OTOGL: variants seen among roughly 807,000 people sequenced by gnomAD.
The protein encoded by OTOGL is otogelin like.
A neutral mutation model predicts 318.5 loss-of-function variants in OTOGL; 285 were observed. The ratio of observed to expected loss-of-function variants is 0.89; its 90% CI spans 0.81 to 0.99. The LOEUF is 0.99. Among genes scored for constraint, OTOGL ranks in the 50% least tolerant of loss-of-function variants. The probability of loss-of-function intolerance (pLI) is 0.00; values close to 1 mark genes in which losing one functional copy is unlikely to be tolerated. For synonymous variants in OTOGL, 987 were observed against 936.5 expected, an observed-to-expected ratio of 1.05 and a Z score of -0.99; for missense variants, 2,899 against 2,845.6, an observed-to-expected ratio of 1.02 and a Z score of -0.43.
At chr12:80,146,995 CA>C (rs1264998084) in intron 1 of OTOGL, among the ~76,000 whole-genome samples, 3 of 151,780 alleles carry the variant, frequency 2.0e-5, no homozygotes, top group Non-Finnish European at 4.4e-5. Context: ...TTGATCCTTT[CA>C]AAAAACCAGC....
Position 80,279,164 on chromosome 12 carries a change from A to C in OTOGL, c.2926A>C (p.Lys976Gln), listed in dbSNP as rs368290528. ...YISDCQVFLI[K>Q]SADDSDISVI... Reference sequence around the variant, plus strand: ...CAGTGATTGCCAGGTGTTTTTGATAAAGGTAGGTCACAGTTACACATTTTT... The same window carrying C: ...CAGTGATTGCCAGGTGTTTTTGATACAGGTAGGTCACAGTTACACATTTTT... Residue 976 changes from lysine (K) to glutamine (Q), a missense_variant and splice_region_variant, in exon 26 of 59, where the codon AAG becomes CAG. Lys to Gln is a moderately conservative substitution (Grantham distance 53). This residue lies in a region of OTOGL where 2,607 missense variants were observed against 2,524.9 expected (regional missense o/e 1.03). Transcript: ENST00000547103. 6.3e-7 allele frequency: 1 copy of C among 1,586,852 alleles called. No individual in the cohort carries two copies.
rs929581974 is a variant in OTOGL at position 80,336,545 on chromosome 12, C to T, written c.4733C>T (p.Ser1578Phe). ...EIIVAHIEKCSMNQNGNSLKK... is the reference protein window; with the variant it reads ...EIIVAHIEKCFMNQNGNSLKK... Reference sequence around the variant, plus strand: ...ATAGTTGCTCATATCGAAAAATGTTCCATGAATCAGGTGGGTCATAATTTA... The same window carrying T: ...ATAGTTGCTCATATCGAAAAATGTTTCATGAATCAGGTGGGTCATAATTTA... Residue 1578 changes from serine (S) to phenylalanine (F), a missense_variant, in exon 40 of 59, where the codon TCC (serine) becomes TTC (phenylalanine). Physicochemically the swap from Ser to Phe is radical, Grantham distance 155. Coordinates refer to ENST00000547103, the MANE Select transcript of OTOGL (RefSeq NM_001378609.3). 1.2e-6 allele frequency: 2 copies of T among 1,607,276 alleles called. No individual in the cohort carries two copies. The highest frequency in any genetic ancestry group is 2.2e-5 in the East Asian group (1 of 44,766).
At chr12:80,310,804 G>A (rs761591711) in intron 30 of OTOGL, 77 bp downstream of exon 30, 101 of 1,129,496 alleles carry the variant, frequency 8.9e-5, no homozygotes, top group Non-Finnish European at 1.1e-4. Context: ...AACACGACAC[G>A]TAACTGGGTG....
chr12:80,250,035 C>T (rs945254336), intron 11 of OTOGL, among the ~76,000 whole-genome samples: 133 of 152,056 alleles, frequency 8.7e-4, no homozygotes, highest in Middle Eastern at 6.8e-3. Context: ...GCGCACGGTG[C>T]GCGCACCCAC....
intron 26 of OTOGL, among the ~76,000 whole-genome samples, chr12:80,289,625 C>G (rs1884890632): frequency 6.6e-6 from 1 of 152,192 alleles, no homozygotes; most frequent in South Asian, 2.1e-4. Context: ...GGTAGTCTGG[C>G]CACAGCCACT....
At chr12:80,226,454 A>G (rs2066577463) in intron 7 of OTOGL, among the ~76,000 whole-genome samples, 2 of 151,940 alleles carry the variant, frequency 1.3e-5, no homozygotes, top group Admixed American at 6.6e-5. Context: ...TACCTCTATA[A>G]AACTCTTCAA....
intron 1 of OTOGL, among the ~76,000 whole-genome samples, chr12:80,157,146 G>A (rs1205081126): frequency 6.6e-6 from 1 of 152,126 alleles, no homozygotes; most frequent in Non-Finnish European, 1.5e-5. Flanking sequence ...TTGAGGTGAG[G>A]TGATATCTCA....
In OTOGL at chr12:80,126,654, G is replaced by A. The variant is rs539231792; in HGVS notation, c.-20+27049G>A. On this transcript the variant is annotated intron_variant, in intron 1 of 58. Coordinates refer to ENST00000547103, the MANE Select transcript of OTOGL (RefSeq NM_001378609.3). ...TGACAGTGGGGTGTTAACATCTCCC[G>A]TTATTATTGTGTGGGAGTCTAAGCC... 5.6e-3 allele frequency among the ~76,000 whole-genome samples: 856 copies of A among 152,168 alleles called. 2 individuals are homozygous for A. Among genetic ancestry groups the A allele is most frequent in the Non-Finnish European group, 0.011 (724 of 67,992 alleles).
At chr12:80,285,856 C>G (rs932472337) in intron 26 of OTOGL, among the ~76,000 whole-genome samples, 8 of 151,906 alleles carry the variant, frequency 5.3e-5, no homozygotes, top group African/African-American at 1.7e-4. Context: ...TATTTGAATA[C>G]CTTTATTTCT....
At position 80,316,394 on chromosome 12, in the gene OTOGL, T is replaced by A. The variant is rs553680879; in HGVS notation, c.3634+2063T>A. Among the ~76,000 whole-genome samples the A allele has an allele frequency of 4.3e-4, 65 of 152,350 alleles. 1 individual carries two copies. The highest frequency in any genetic ancestry group is 1.4e-3 in the African/African-American group (58 of 41,590). On this transcript the variant is annotated intron_variant, in intron 32 of 58. Transcript: ENST00000547103. ...ATTTTCTGGCATTTCTCCTGCAGAC[T>A]TGTGGACCCAGAAGCAGAATTTTCT...
chr12:80,358,917 T>A lies in OTOGL; in HGVS notation c.6267+17T>A. 6.9e-7 allele frequency: 1 copy of A among 1,455,974 alleles called. No individual in the cohort carries two copies. The highest frequency in any genetic ancestry group is 9.2e-7 in the Non-Finnish European group (1 of 1,081,466). The allele number at this position is 1,455,974 out of a possible 1,614,324, so 90.2% of individuals were successfully genotyped here. A position where few individuals can be genotyped will look rare whatever the true frequency, so the allele number is the denominator to read the frequency against. ...TGTGAAGTGGTAAGAACACATATTTTGATTGACTTGTCATATTTATTTAAA... is the reference window on the plus strand; with the variant it reads ...TGTGAAGTGGTAAGAACACATATTTAGATTGACTTGTCATATTTATTTAAA... On this transcript the variant is annotated intron_variant, in intron 52 of 58. Transcript: ENST00000547103.
intron 1 of OTOGL, among the ~76,000 whole-genome samples, chr12:80,129,445 G>T (rs1243584962): frequency 6.6e-6 from 1 of 152,156 alleles, no homozygotes; most frequent in African/African-American, 2.4e-5. Context: ...GCCAACAGGT[G>T]TTAACAGAAG....
intron 1 of OTOGL, among the ~76,000 whole-genome samples, chr12:80,115,796 G>A (rs376388717): frequency 6.6e-6 from 1 of 152,170 alleles, no homozygotes; most frequent in African/African-American, 2.4e-5. Flanking sequence ...GGCCTTTGCT[G>A]AGCAGTGGTG....
Position 80,162,359 on chromosome 12 carries a change from A to G in OTOGL, c.-19-47054A>G, listed in dbSNP as rs188437163. Among the ~76,000 whole-genome samples, 3 of 152,276 alleles carry G rather than the reference A, an allele frequency of 2.0e-5. No individual in the cohort carries two copies. In the East Asian group the frequency reaches 5.8e-4, roughly 29 times the overall value. ...AGGCAAATGCAGTTTTCAAATGTAC[A>G]ACTAGTTCCTTTTTATTAAGTGGGT... On this transcript the variant is annotated intron_variant, in intron 1 of 58. Transcript: ENST00000547103.
chr12:80,343,728 T>C (rs948688578), intron 44 of OTOGL: 6 of 151,942 alleles, frequency 3.9e-5, no homozygotes, highest in Non-Finnish European at 7.4e-5. Context: ...GCGAGCCAGA[T>C]CAGCCGAATC....
In OTOGL at chr12:80,252,302, G is replaced by A. The variant is rs180973257; in HGVS notation, c.1285+101G>A. 210 of 1,247,210 alleles carry A rather than the reference G, an allele frequency of 1.7e-4. No individual in the cohort carries two copies. The African/African-American group carries it at 3.1e-3, about 18-fold the overall frequency. The allele number at this position is 1,247,210 out of a possible 1,614,324, so 77.3% of individuals were successfully genotyped here. On this transcript the variant is annotated intron_variant, in intron 13 of 58. Transcript: ENST00000547103. The stretch of plus-strand genomic sequence containing the variant: ...TTTGCTGTCCTTTCCCAGTACATTG[G>A]ACCTATTGCAATTTTCTGTTCTTGT...
chr12:80,277,430 C>A (rs912124362), intron 24 of OTOGL, among the ~76,000 whole-genome samples: 4 of 146,436 alleles, frequency 2.7e-5, no homozygotes, highest in Non-Finnish European at 6.0e-5. Context: ...TTAATTCTTA[C>A]CCGAGATTAG....
chr12:80,168,864 A>G (rs1211846497), intron 1 of OTOGL, among the ~76,000 whole-genome samples: 1 of 152,188 alleles, frequency 6.6e-6, no homozygotes, highest in Non-Finnish European at 1.5e-5. Context: ...ATGAGTATGT[A>G]TCTGTAGCAG....
At chr12:80,140,626 T>G (rs934416940) in intron 1 of OTOGL, among the ~76,000 whole-genome samples, 1 of 152,208 alleles carries the variant, frequency 6.6e-6, no homozygotes, top group African/African-American at 2.4e-5. Context: ...CATCTCTCTG[T>G]GCTTCAGTCT....
Sources: gnomAD v4.1 joint callset for allele counts (sites outside exome capture counted in the v4.1 genomes callset) on GRCh38, gnomAD v4.1.1 for gene constraint, gnomAD v4.1.1 regional missense constraint, MANE v1.5 for transcripts, NCBI Gene and HGNC (gene_info 2026-07-23, HGNC 2026-07-21) for gene names.